The following ZNF532 variants were observed in gnomAD, a reference collection of about 807,000 sequenced individuals.
The protein encoded by ZNF532 is zinc finger protein 532.
Under a neutral mutation model 89.3 loss-of-function variants are expected in ZNF532, and 22 were observed. The ratio of observed to expected loss-of-function variants is 0.25; its 90% CI spans 0.18 to 0.35. The LOEUF is 0.35. ZNF532 is among the 10% of genes least tolerant of loss of function. ZNF532 has a pLI of 1.00. For synonymous variants in ZNF532, 606 were observed against 649.6 expected (o/e 0.93, Z 1.02); for missense variants, 1,132 against 1,643.4 (o/e 0.69, Z 5.38).
At chr18:58,958,669 G>A (rs1419929840) in intron 7 of ZNF532, among the ~76,000 whole-genome samples, 5 of 152,192 alleles carry the variant, frequency 3.3e-5, no homozygotes, top group African/African-American at 1.2e-4. Flanking sequence ...ATATGGGAAG[G>A]GGCTTTGTGT....
In ZNF532 at chr18:58,878,209, T is replaced by C. The variant is rs139764790; in HGVS notation, c.-18+12630T>C. On this transcript the variant is annotated intron_variant, in intron 2 of 9. Coordinates refer to ENST00000591808, the MANE Select transcript of ZNF532 (RefSeq NM_001375912.1). ...GGCAGGAGTTGCAGTGAGCTGAGAT[T>C]GAGCCACTGCACTCCAGCCTGGGCG... Among the ~76,000 whole-genome samples, 513 of 151,928 alleles carry C rather than the reference T, an allele frequency of 3.4e-3. 4 individuals carry two copies. Among genetic ancestry groups the C allele is most frequent in the Non-Finnish European group, 5.1e-3 (349 of 67,950 alleles).
At chr18:58,924,717 T>C (rs1162068527) in intron 3 of ZNF532, among the ~76,000 whole-genome samples, 1 of 152,176 alleles carries the variant, frequency 6.6e-6, no homozygotes, top group Non-Finnish European at 1.5e-5. Context: ...GAGCGTTGAC[T>C]CAGTCAAGAT....
In ZNF532 at chr18:58,934,476, G is replaced by C. The variant is rs757183516; in HGVS notation, c.2390G>C (p.Ser797Thr). The C allele has an allele frequency of 1.2e-5, 19 of 1,613,996 alleles. No individual in the cohort carries two copies. The highest frequency in any genetic ancestry group is 1.5e-5 in the Non-Finnish European group (18 of 1,179,978). ...ICQMLLPNQC[S>T]YASHQRIHQH... ...CAGATGCTGCTTCCTAACCAGTGCA[G>C]TTATGCATCACACCAGAGAATCCAT... Residue 797 changes from serine to threonine, a missense_variant, in exon 4 of 10, where the codon AGT (serine) becomes ACT (threonine). This residue lies in a region of ZNF532 where 100 missense variants were observed against 122.0 expected (regional missense o/e 0.82). Coordinates refer to ENST00000591808, the MANE Select transcript of ZNF532 (RefSeq NM_001375912.1).
intron 7 of ZNF532, among the ~76,000 whole-genome samples, chr18:58,956,000 C>T (rs1055586304): frequency 1.3e-5 from 2 of 152,214 alleles, no homozygotes; most frequent in African/African-American, 2.4e-5. Context: ...GTAGTCCAGT[C>T]CTTTCATTTC....
chr18:58,971,116 C>G (rs1280020156), intron 7 of ZNF532, among the ~76,000 whole-genome samples: 1 of 152,190 alleles, frequency 6.6e-6, no homozygotes, highest in African/African-American at 2.4e-5. Context: ...AGTCTTATAA[C>G]CAGAAACTTC....
At chr18:58,981,961 G>A (rs1298067611) in intron 9 of ZNF532, among the ~76,000 whole-genome samples, 34 of 142,022 alleles carry the variant, frequency 2.4e-4, no homozygotes, top group African/African-American at 8.0e-4. Flanking sequence ...CTGAGATCAT[G>A]CCACTGCACT....
chr18:58,903,574 A>G (rs544741935), intron 2 of ZNF532, among the ~76,000 whole-genome samples: 122 of 152,334 alleles, frequency 8.0e-4, no homozygotes, highest in Non-Finnish European at 1.4e-3. Context: ...ATGAGGGCGC[A>G]TCTGCAAAAT....
rs1314100212 is a variant in ZNF532 at position 58,920,312 on chromosome 18, G to A, written c.2025G>A (p.Met675Ile). ...GGCATAAGGAGAAAGGGGTGGTAAT[G>A]CAATGCTCCCACTTAATTTTAAAGC... Reference protein sequence around the residue: ...ARGHKEKGVVMQCSHLILKPV... With the variant: ...ARGHKEKGVVIQCSHLILKPV... The change falls in exon 3 of 10, where the codon ATG (methionine) becomes ATA (isoleucine). Residue 675 changes from methionine (M) to isoleucine (I), a missense_variant. This residue lies in a region of ZNF532 where 70 missense variants were observed against 152.1 expected (regional missense o/e 0.46). Transcript: ENST00000591808. 6.2e-7 allele frequency: 1 copy of A among 1,614,012 alleles called. No homozygotes were observed. Among genetic ancestry groups the A allele is most frequent in the Non-Finnish European group, 8.5e-7 (1 of 1,179,876 alleles).
chr18:58,878,578 T>G (rs1263116634), intron 2 of ZNF532, among the ~76,000 whole-genome samples: 1 of 152,206 alleles, frequency 6.6e-6, no homozygotes, highest in African/African-American at 2.4e-5. Context: ...GGAGCCAACT[T>G]CACCCAGCCT....
At chr18:58,866,144 CAT>C (rs2144375705) in intron 2 of ZNF532, among the ~76,000 whole-genome samples, 1 of 152,224 alleles carries the variant, frequency 6.6e-6, no homozygotes, top group East Asian at 1.9e-4. Flanking sequence ...TTCTTTGTGG[CAT>C]ATGTTTAATG....
chr18:58,982,383 A>G (rs753707576), intron 9 of ZNF532, among the ~76,000 whole-genome samples: 2 of 151,380 alleles, frequency 1.3e-5, no homozygotes, highest in Non-Finnish European at 3.0e-5. Flanking sequence ...CACTTTGGGA[A>G]GCTGAGGCGG....
chr18:58,978,596 T>C (rs947583973), intron 7 of ZNF532, among the ~76,000 whole-genome samples: 2 of 152,208 alleles, frequency 1.3e-5, no homozygotes, highest in African/African-American at 2.4e-5. Flanking sequence ...CCATCATGGT[T>C]ACCTCAGCCC....
intron 7 of ZNF532, chr18:58,964,284 A>G (rs577965115): frequency 2.6e-5 from 4 of 152,204 alleles, no homozygotes; most frequent in Non-Finnish European, 4.4e-5. Flanking sequence ...AGTTTCTCCT[A>G]TCTTTTTTGG....
chr18:58,977,296 T>TGCCTGCCCC (rs1485371551), intron 7 of ZNF532, among the ~76,000 whole-genome samples: 8 of 152,328 alleles, frequency 5.3e-5, no homozygotes, highest in Admixed American at 1.3e-4. Context: ...TGTCCCATGC[T>TGCCTGCCCC]GCCTGCCCCC....
intron 2 of ZNF532, among the ~76,000 whole-genome samples, chr18:58,917,310 G>T (rs2060668877): frequency 6.6e-6 from 1 of 152,162 alleles, no homozygotes; most frequent in African/African-American, 2.4e-5. Context: ...TGACATTTAT[G>T]CTAGAAAGAT....
chr18:58,864,005 A>T (rs2056205138), upstream of ZNF532: 1 of 151,778 alleles, frequency 6.6e-6, no homozygotes, highest in Non-Finnish European at 1.5e-5. Context: ...GCCGAGGAGG[A>T]ACCGCCCGGG....
intron 5 of ZNF532, among the ~76,000 whole-genome samples, chr18:58,943,806 T>G (rs2063424997): frequency 6.6e-6 from 1 of 152,212 alleles, no homozygotes; most frequent in Admixed American, 6.5e-5. Flanking sequence ...TATTTTTTCC[T>G]TGACTGCTGA....
Position 58,869,827 on chromosome 18 carries a change from C to T in ZNF532, c.-18+4248C>T, listed in dbSNP as rs142652258. On this transcript the variant is annotated intron_variant, in intron 2 of 9. Transcript: ENST00000591808. ...TGTTGTCCAGGCTGGAGTTCAGTGG[C>T]GTGATCTCGGCTCACTGCAACCTCT... Among the ~76,000 whole-genome samples, 691 of 133,924 alleles carry T rather than the reference C, an allele frequency of 5.2e-3. 6 individuals are homozygous for T. The highest frequency in any genetic ancestry group is 0.018 in the African/African-American group (620 of 34,734). 87.9% of individuals were successfully genotyped at this position (133,924 alleles called of 152,430 possible). A position where few individuals can be genotyped will look rare whatever the true frequency, so the allele number is the denominator to read the frequency against.
rs2144341063 is a variant in ZNF532, at chr18:58,865,237, G to C, written c.-276G>C. On this transcript the variant is annotated 5_prime_UTR_variant, in exon 1 of 10. Transcript: ENST00000591808. ...ACAAAACAAAACCAAAATGAACTGA[G>C]GGGTTTGTAATGGTAGTTTGTTTGT... The C allele has an allele frequency of 6.6e-6, 1 of 152,022 alleles. No homozygotes were observed. The highest frequency in any genetic ancestry group is 1.9e-4 in the East Asian group (1 of 5,178). The allele number at this position is 152,022 out of a possible 1,614,324, so 9.4% of individuals were successfully genotyped here. A position where few individuals can be genotyped will look rare whatever the true frequency, so the allele number is the denominator to read the frequency against.
Sources: gnomAD v4.1 joint callset for allele counts (sites outside exome capture counted in the v4.1 genomes callset) on GRCh38, gnomAD v4.1.1 for gene constraint, gnomAD v4.1.1 regional missense constraint, MANE v1.5 for transcripts, NCBI Gene and HGNC (gene_info 2026-07-23, HGNC 2026-07-21) for gene names.